RELN: variants seen among roughly 807,000 people sequenced by gnomAD.
RELN encodes the protein reelin.
In RELN, 108 loss-of-function variants were observed where a neutral mutation model predicts 427.6. The ratio of observed to expected loss-of-function variants is 0.25; its 90% CI spans 0.22 to 0.30. RELN has a LOEUF of 0.30. RELN is among the 10% of genes least tolerant of loss of function. RELN has a pLI of 1.00. For synonymous variants in RELN, 1,524 were observed against 1,513.4 expected (o/e 1.01, Z -0.16); for missense variants, 3,715 against 4,302.8 (o/e 0.86, Z 3.82).
intron 1 of RELN, among the ~76,000 whole-genome samples, chr7:103,945,409 G>T (rs966916984): frequency 2.6e-5 from 4 of 152,070 alleles, no homozygotes; most frequent in Admixed American, 2.6e-4. Context: ...AAGAAAACCA[G>T]TTCTCAACTG....
rs1832558211 is a variant in RELN at position 103,635,430 on chromosome 7, C to T, written c.2460G>A (p.Glu820=). Residue 820 remains glutamate (E), a synonymous_variant, in exon 19 of 65, where the codon GAG becomes GAA. Transcript: ENST00000428762. ...LEHYSYLSYH[E]PRIISVELPG... is the part of the protein sequence containing the mutation. ...CCAAATGCTTTCCAACATACCTGGGCTCATGATAGCTGAGATATGAATAAT... is the reference window on the plus strand; with the variant it reads ...CCAAATGCTTTCCAACATACCTGGGTTCATGATAGCTGAGATATGAATAAT... 5 of 1,613,844 alleles carry T rather than the reference C, an allele frequency of 3.1e-6. No individual in the cohort carries two copies. The highest frequency in any genetic ancestry group is 4.2e-6 in the Non-Finnish European group (5 of 1,179,852).
At position 103,497,808 on chromosome 7, in the gene RELN, C is replaced by G; in HGVS notation, c.8950+12G>C. 1 of 1,612,306 alleles carries G rather than the reference C, an allele frequency of 6.2e-7. No homozygotes were observed. Among genetic ancestry groups the G allele is most frequent in the Non-Finnish European group, 8.5e-7 (1 of 1,178,444 alleles). On this transcript the variant is annotated intron_variant, in intron 55 of 64. Transcript: ENST00000428762. ...TCTGCTCCAAGGGGTGGTTTTCACC[C>G]CTGACACATGCCTCCATCGGTAGAG...
chr7:103,924,985 TACACATACACACAC>T (rs1405231787), intron 1 of RELN, among the ~76,000 whole-genome samples: 1,727 of 137,620 alleles, frequency 0.013, 24 homozygotes, highest in Middle Eastern at 0.019. Flanking sequence ...TGCATGCGCA[TACACATACACACAC>T]ACACACACAC....
At chr7:103,701,147 A>G (rs1312522633) in intron 8 of RELN, 141 bp from the exon 9 acceptor site, 6 of 665,264 alleles carry the variant, frequency 9.0e-6, no homozygotes, top group Non-Finnish European at 1.4e-5. Flanking sequence ...TGATGCTGAA[A>G]TCTCCTGTGA....
At chr7:103,670,266 T>C (rs1191419397) in intron 11 of RELN, among the ~76,000 whole-genome samples, 1 of 152,134 alleles carries the variant, frequency 6.6e-6, no homozygotes, top group Non-Finnish European at 1.5e-5. Context: ...ATTATATACC[T>C]ACATAAGTAT....
At chr7:103,972,221 A>G (rs1289990414) in intron 1 of RELN, among the ~76,000 whole-genome samples, 1 of 152,214 alleles carries the variant, frequency 6.6e-6, no homozygotes, top group Non-Finnish European at 1.5e-5. Flanking sequence ...CTCTGTACTT[A>G]TGGGCATGGA....
chr7:103,519,234 C>T, intron 49 of RELN, 89 bp downstream of exon 49: 1 of 999,672 alleles, frequency 1.0e-6, no homozygotes, highest in South Asian at 1.3e-5. Flanking sequence ...AGGCATAAGT[C>T]TGAGGTCCCC....
At chr7:103,562,421 C>T (rs981039648) in intron 34 of RELN, among the ~76,000 whole-genome samples, 2 of 152,120 alleles carry the variant, frequency 1.3e-5, no homozygotes, top group African/African-American at 2.4e-5. Flanking sequence ...AAATGGAAGC[C>T]CTTGATACTT....
At chr7:103,737,634 A>C (rs974506799) in intron 6 of RELN, among the ~76,000 whole-genome samples, 17 of 152,214 alleles carry the variant, frequency 1.1e-4, no homozygotes, top group Non-Finnish European at 4.4e-5. Flanking sequence ...TCAGACAATT[A>C]TGTTTCTCAA....
chr7:103,810,805 T>G (rs1792723646), intron 3 of RELN, among the ~76,000 whole-genome samples: 1 of 152,224 alleles, frequency 6.6e-6, no homozygotes, highest in African/African-American at 2.4e-5. Context: ...GAGAGTTAAC[T>G]TTCTCTCCCT....
chr7:103,528,973 T>C (rs1337108182), intron 46 of RELN, among the ~76,000 whole-genome samples: 1 of 151,484 alleles, frequency 6.6e-6, no homozygotes, highest in Non-Finnish European at 1.5e-5. Context: ...CCGTCTCTAC[T>C]AAAAATACAA....
intron 6 of RELN, among the ~76,000 whole-genome samples, chr7:103,730,402 C>A (rs1025655567): frequency 6.6e-6 from 1 of 151,762 alleles, no homozygotes; most frequent in African/African-American, 2.4e-5. Flanking sequence ...TGGCCTACAG[C>A]CTGGAATTAG....
chr7:103,753,361 G>A, intron 4 of RELN, 147 bp from the exon 5 acceptor site: 1 of 714,110 alleles, frequency 1.4e-6, no homozygotes, highest in Non-Finnish European at 2.4e-6. Flanking sequence ...AGGAGTTTCT[G>A]GAACCCTTGA....
At chr7:103,503,844 C>A (rs139351519) in intron 51 of RELN, among the ~76,000 whole-genome samples, 15 of 149,066 alleles carry the variant, frequency 1.0e-4, no homozygotes, top group African/African-American at 2.0e-4. Context: ...GCTAATCATG[C>A]CTTTGTTTTC....
intron 20 of RELN, among the ~76,000 whole-genome samples, chr7:103,616,530 A>G (rs1253711056): frequency 2.0e-5 from 3 of 152,190 alleles, no homozygotes; most frequent in East Asian, 3.8e-4. Flanking sequence ...ATTGGAAAAA[A>G]CAACCCGATA....
At chr7:103,683,059 G>A (rs28695350) in intron 10 of RELN, among the ~76,000 whole-genome samples, 4,979 of 152,126 alleles carry the variant, frequency 0.033, 270 homozygotes, top group African/African-American at 0.11. Context: ...TATATAGAGA[G>A]ATGCTTGGGG....
intron 2 of RELN, among the ~76,000 whole-genome samples, chr7:103,834,528 G>A (rs892310602): frequency 6.6e-5 from 10 of 152,136 alleles, no homozygotes; most frequent in African/African-American, 2.4e-4. Flanking sequence ...ATCAGGGGAT[G>A]CTTTTCTTTT....
chr7:103,875,358 G>A (rs945117022), intron 2 of RELN, among the ~76,000 whole-genome samples: 4 of 151,690 alleles, frequency 2.6e-5, no homozygotes, highest in African/African-American at 7.3e-5. Flanking sequence ...ATTGACAAAT[G>A]GGATCTAATT....
At chr7:103,677,721 G>A (rs1036410157) in intron 11 of RELN, among the ~76,000 whole-genome samples, 15 of 122,746 alleles carry the variant, frequency 1.2e-4, no homozygotes, top group Non-Finnish European at 3.2e-5. Flanking sequence ...AGCTGATATA[G>A]CACCACTGCA....
Sources: gnomAD v4.1 joint callset for allele counts (sites outside exome capture counted in the v4.1 genomes callset) on GRCh38, gnomAD v4.1.1 for gene constraint, MANE v1.5 for transcripts, NCBI Gene and HGNC (gene_info 2026-07-23, HGNC 2026-07-21) for gene names.